UBAP2L: variants seen among roughly 807,000 people sequenced by gnomAD.
UBAP2L encodes the protein ubiquitin-associated protein 2-like.
In UBAP2L, 12 loss-of-function variants were observed where a neutral mutation model predicts 130.6. The ratio of observed to expected loss-of-function variants is 0.09; its 90% CI spans 0.06 to 0.15. The LOEUF is 0.15. Ranked by LOEUF, UBAP2L falls within the 10% of genes least tolerant of loss-of-function variation. The pLI is 1.00. For missense variants in UBAP2L, 965 were observed against 1,332.5 expected, an observed-to-expected ratio of 0.72 and a Z score of 4.29; for synonymous variants, 503 against 524.7, an observed-to-expected ratio of 0.96 and a Z score of 0.57.
At chr1:154,228,431 C>A (rs1478687852) in intron 3 of UBAP2L, among the ~76,000 whole-genome samples, 184 bp from the exon 4 acceptor site, 5 of 152,176 alleles carry the variant, frequency 3.3e-5, no homozygotes, top group African/African-American at 1.2e-4. Flanking sequence ...AGGTGATCCG[C>A]CCACCTCAGC....
At chr1:154,233,167 C>A (rs144218699) in intron 4 of UBAP2L, among the ~76,000 whole-genome samples, 2 of 152,184 alleles carry the variant, frequency 1.3e-5, no homozygotes, top group East Asian at 3.9e-4. Context: ...GTGCCTGCCA[C>A]CACGCCCAGC....
At position 154,246,257 on chromosome 1, in the gene UBAP2L, C is replaced by T. The variant is rs761738604; in HGVS notation, c.896C>T (p.Ser299Leu). ...ACACCATCTACAATGGAGAATGATTCATCTAATCTGGATCCGTCTCAGGCT... is the reference window on the plus strand; with the variant it reads ...ACACCATCTACAATGGAGAATGATTTATCTAATCTGGATCCGTCTCAGGCT... Reference protein sequence around the residue: ...GKTPSTMENDSSNLDPSQAPS... With the variant: ...GKTPSTMENDLSNLDPSQAPS... Residue 299 changes from serine (S) to leucine (L), a missense_variant, in exon 11 of 27, where the codon TCA becomes TTA. Around this residue, in one of 9 missense-constraint regions of UBAP2L, gnomAD observed 99 missense variants for 106.4 expected, o/e 0.93. Coordinates refer to ENST00000428931, the MANE Select transcript of UBAP2L (RefSeq NM_014847.4). The T allele has an allele frequency of 1.9e-6, 3 of 1,613,786 alleles. No homozygotes were observed.
intron 7 of UBAP2L, 105 bp downstream of exon 7, chr1:154,236,716 A>G (rs1016041809): frequency 1.1e-5 from 14 of 1,235,462 alleles, no homozygotes; most frequent in Non-Finnish European, 1.7e-5. Flanking sequence ...TCAGAAAGAT[A>G]TGGGGACTTA....
rs1680603389 is a variant in UBAP2L, at chr1:154,259,049, G to A, written c.2496+19G>A. On this transcript the variant is annotated intron_variant, in intron 21 of 26. Transcript: ENST00000428931. ...TCCATTGGTGAGTATGTGGGATAGA[G>A]CTTTGGAAAAGAAAGTAGTCTTAAA... 6.2e-7 allele frequency: 1 copy of A among 1,610,578 alleles called. No homozygotes were observed. Among genetic ancestry groups the A allele is most frequent in the Non-Finnish European group, 8.5e-7 (1 of 1,176,968 alleles).
downstream of UBAP2L, chr1:154,271,077 G>C: frequency 1.2e-6 from 1 of 852,728 alleles, no homozygotes; most frequent in South Asian, 1.9e-5. Flanking sequence ...TTCACAACCT[G>C]GTGACTGGAA....
intron 25 of UBAP2L, among the ~76,000 whole-genome samples, chr1:154,267,905 T>C (rs1409741201): frequency 7.1e-6 from 1 of 139,892 alleles, no homozygotes; most frequent in African/African-American, 2.6e-5. Flanking sequence ...TTTTTTTTTT[T>C]TGAGACGGAG....
chr1:154,223,553 A>G lies in UBAP2L; in HGVS notation c.-40-1531A>G, dbSNP rs146092050. ...TTTTTTTTGTAAAGTTGAAACGACT[A>G]TAATGCTAACCTGGGAAAATGGGCT... On this transcript the variant is annotated intron_variant, in intron 1 of 26. Transcript: ENST00000428931. Among the ~76,000 whole-genome samples the G allele has an allele frequency of 1.9e-3, 288 of 151,816 alleles. 1 individual carries two copies. The highest frequency in any genetic ancestry group is 6.6e-3 in the African/African-American group (274 of 41,334).
At chr1:154,256,089 G>A (rs916741580) in intron 18 of UBAP2L, among the ~76,000 whole-genome samples, 1 of 152,146 alleles carries the variant, frequency 6.6e-6, no homozygotes, top group Non-Finnish European at 1.5e-5. Flanking sequence ...CTTGGTCTTG[G>A]GTATGCCCAA....
At chr1:154,243,145 C>A in intron 9 of UBAP2L, 72 bp from the exon 10 acceptor site, 2 of 1,293,572 alleles carry the variant, frequency 1.5e-6, no homozygotes, top group South Asian at 1.2e-5. Flanking sequence ...ATGTTGAATT[C>A]CCCTTACCTA....
intron 8 of UBAP2L, among the ~76,000 whole-genome samples, chr1:154,237,563 C>G (rs1373448768): frequency 6.6e-6 from 1 of 152,192 alleles, no homozygotes; most frequent in Non-Finnish European, 1.5e-5. Flanking sequence ...CAGAATTAAT[C>G]AAGCCACTGC....
At chr1:154,269,515 G>T in intron 26 of UBAP2L, 4 of 992,200 alleles carry the variant, frequency 4.0e-6, no homozygotes, top group Non-Finnish European at 5.6e-6. Context: ...GTCACAAATC[G>T]GGATACACAA....
Position 154,237,062 on chromosome 1 carries a change from C to G in UBAP2L, c.629C>G (p.Thr210Ser). ...NPADYAEPAN[T>S]DDNYGNSSGN... ...GCTGATTATGCAGAGCCAGCCAATA[C>G]TGATGATAACTATGGCAATAGCAGC... The change falls in exon 8 of 27, where the codon ACT becomes AGT. Residue 210 changes from threonine (T) to serine (S), a missense_variant. Thr to Ser is a moderately conservative substitution (Grantham distance 58). Transcript: ENST00000428931. The G allele has an allele frequency of 6.2e-7, 1 of 1,614,176 alleles. No homozygotes were observed. Among genetic ancestry groups the G allele is most frequent in the Non-Finnish European group, 8.5e-7 (1 of 1,180,034 alleles).
chr1:154,251,437 G>T, intron 13 of UBAP2L, 44 bp from the exon 14 acceptor site: 1 of 1,598,184 alleles, frequency 6.3e-7, no homozygotes, highest in South Asian at 1.1e-5. Flanking sequence ...CTTTAGTAAG[G>T]TTGTATTAAA....
chr1:154,262,641 A>G (rs974078929), intron 24 of UBAP2L, among the ~76,000 whole-genome samples: 1 of 152,068 alleles, frequency 6.6e-6, no homozygotes, highest in Non-Finnish European at 1.5e-5. Context: ...GTTTTCAATA[A>G]TTGGGAAGAG....
At position 154,251,456 on chromosome 1, in the gene UBAP2L, T is replaced by C. The variant is rs578158091; in HGVS notation, c.1492-25T>C. Reference sequence around the variant, plus strand: ...AGTAAGGTTGTATTAAAGCCATTACTTTCTCTTCTCCTTCAACTTTATAGA... The same window carrying C: ...AGTAAGGTTGTATTAAAGCCATTACCTTCTCTTCTCCTTCAACTTTATAGA... On this transcript the variant is annotated intron_variant, in intron 13 of 26. Coordinates refer to ENST00000428931, the MANE Select transcript of UBAP2L (RefSeq NM_014847.4). 149 of 1,608,950 alleles carry C rather than the reference T, an allele frequency of 9.3e-5. 1 individual carries two copies. The South Asian group carries it at 1.5e-3, about 16-fold the overall frequency.
In UBAP2L at chr1:154,251,170, C is replaced by T. The variant is rs1270319194; in HGVS notation, c.1343C>T (p.Ala448Val). 2 of 1,614,152 alleles carry T rather than the reference C, an allele frequency of 1.2e-6. No individual in the cohort carries two copies. The highest frequency in any genetic ancestry group is 1.1e-5 in the South Asian group (1 of 91,076). Residue 448 changes from alanine (A) to valine (V), a missense_variant, in exon 13 of 27, where the codon GCA (alanine) becomes GTA (valine). Physicochemically the swap from Ala to Val is moderately conservative, Grantham distance 64 (BLOSUM62 0). Around this residue, in one of 9 missense-constraint regions of UBAP2L, gnomAD observed 74 missense variants for 97.1 expected, o/e 0.76. Transcript: ENST00000428931. ...KSPAVATSTA[A>V]PPPPSSPLPS... ...CCTGCAGTGGCTACCTCCACAGCTGCACCTCCACCTCCGTCTTCTCCTCTG... is the reference window on the plus strand; with the variant it reads ...CCTGCAGTGGCTACCTCCACAGCTGTACCTCCACCTCCGTCTTCTCCTCTG...
chr1:154,267,778 A>G (rs1213475510), intron 25 of UBAP2L, among the ~76,000 whole-genome samples: 1 of 150,338 alleles, frequency 6.7e-6, no homozygotes, highest in Non-Finnish European at 1.5e-5. Context: ...TACAGATGTG[A>G]GCCATCATGC....
At chr1:154,245,809 A>G (rs1444042137) in intron 10 of UBAP2L, among the ~76,000 whole-genome samples, 1 of 152,036 alleles carries the variant, frequency 6.6e-6, no homozygotes, top group Non-Finnish European at 1.5e-5. Context: ...AGTCCCAGCT[A>G]CAGGCTGAGG....
chr1:154,234,317 C>A (rs1208387105), intron 4 of UBAP2L, among the ~76,000 whole-genome samples: 1 of 151,996 alleles, frequency 6.6e-6, no homozygotes, highest in African/African-American at 2.4e-5. Context: ...GAGCCAAGAT[C>A]ACACCACTGC....
Sources: allele counts gnomAD v4.1 joint callset (sites outside exome capture counted in the v4.1 genomes callset), GRCh38; gene constraint gnomAD v4.1.1; regional missense constraint gnomAD v4.1.1; transcripts MANE v1.5; gene names NCBI Gene and HGNC (gene_info 2026-07-23, HGNC 2026-07-21).